The following HHIPL1 variants were observed in gnomAD, a reference collection of about 807,000 sequenced individuals.
HHIPL1 encodes the protein HHIP-like protein 1.
Under a neutral mutation model 61.8 loss-of-function variants are expected in HHIPL1, and 43 were observed. The observed-to-expected ratio is 0.70, with a 90% CI of 0.55 to 0.90. The LOEUF is 0.90. Ranked by LOEUF, HHIPL1 falls within the 40% of genes least tolerant of loss-of-function variation. HHIPL1 has a pLI of 0.00. For missense variants in HHIPL1, 1,056 were observed against 1,157.7 expected (o/e 0.91, Z 1.28); for synonymous variants, 482 against 515.8 (o/e 0.93, Z 0.89).
In HHIPL1 at chr14:99,679,157, G is replaced by C. The variant is rs2056417157; in HGVS notation, c.*3531G>C. 6.6e-6 allele frequency: 1 copy of C among 152,220 alleles called. No individual in the cohort carries two copies. Among genetic ancestry groups the C allele is most frequent in the Non-Finnish European group, 1.5e-5 (1 of 68,038 alleles). 9.4% of individuals were successfully genotyped at this position (152,220 alleles called of 1,614,324 possible). On this transcript the variant is annotated 3_prime_UTR_variant, in exon 9 of 9. Coordinates refer to ENST00000330710, the MANE Select transcript of HHIPL1 (RefSeq NM_001127258.3). ...ACCCTGCTGTGGGCCTTCCTGCTGG[G>C]CCACCTCAAGGGCATTGAAAGCCAG...
upstream of HHIPL1, among the ~76,000 whole-genome samples, chr14:99,643,063 C>G (rs113531979): frequency 7.8e-3 from 1,180 of 151,834 alleles, 18 homozygotes; most frequent in African/African-American, 0.027. Flanking sequence ...TTTTTTGAGA[C>G]AGAGTCTCGC....
Position 99,675,526 on chromosome 14 carries a change from G to T in HHIPL1, c.2249G>T (p.Arg750Leu). 6.5e-7 allele frequency: 1 copy of T among 1,541,646 alleles called. No homozygotes were observed. The highest frequency in any genetic ancestry group is 8.7e-7 in the Non-Finnish European group (1 of 1,146,414). The change falls in exon 9 of 9, where the codon CGG (arginine) becomes CTG (leucine). Residue 750 changes from arginine to leucine, a missense_variant. Physicochemically the swap from Arg to Leu is moderately radical, Grantham distance 102 (BLOSUM62 -2). Coordinates refer to ENST00000330710, the MANE Select transcript of HHIPL1 (RefSeq NM_001127258.3). This position sits in a 1 kb window ranked among gnomAD's most constrained non-coding sequence, Gnocchi z 5.4. Reference protein sequence around the residue: ...LDDVRCAGWERNLLECQHNGV... With the variant: ...LDDVRCAGWELNLLECQHNGV... ...GATGTGCGCTGCGCGGGCTGGGAGC[G>T]GAACCTGCTGGAGTGCCAGCACAAC... is the stretch of plus-strand genomic sequence containing the variant.
rs1444606991 is a variant in HHIPL1, at chr14:99,659,857, C to A, written c.1375+101C>A. The A allele has an allele frequency of 3.1e-5, 19 of 620,884 alleles. 3 individuals are homozygous for A. The highest frequency in any genetic ancestry group is 3.8e-5 in the East Asian group (1 of 26,502). 38.5% of individuals were successfully genotyped at this position (620,884 alleles called of 1,614,324 possible). A position where few individuals can be genotyped will look rare whatever the true frequency, so the allele number is the denominator to read the frequency against. ...CCCTCGGAGACCGCACCCCCCCCCC[C>A]CCGGAGATCCCTGACCCTGAGTCTG... On this transcript the variant is annotated intron_variant, in intron 4 of 8. Transcript: ENST00000330710.
rs201525128 is a variant in HHIPL1, at chr14:99,657,746, CACAA to C, written c.1046+607_1046+610del. ...ACACACATATATACACACATACACA[CACAA>C]ACACACATACACACATGCATATGCT... On this transcript the variant is annotated intron_variant, in intron 3 of 8. Transcript: ENST00000330710. 6.6e-3 allele frequency among the ~76,000 whole-genome samples: 998 copies of C among 151,176 alleles called. 8 individuals are homozygous for C. Among genetic ancestry groups the C allele is most frequent in the African/African-American group, 0.023 (934 of 40,550 alleles).
chr14:99,651,122 G>A (rs11627153), intron 1 of HHIPL1, among the ~76,000 whole-genome samples: 28,111 of 152,046 alleles, frequency 0.18, 3,051 homozygotes, highest in East Asian at 0.27. Context: ...GGTGGCTCTC[G>A]CCTGTAGTCC....
intron 1 of HHIPL1, among the ~76,000 whole-genome samples, chr14:99,650,143 A>T (rs972276076): frequency 6.6e-6 from 1 of 152,224 alleles, no homozygotes; most frequent in East Asian, 1.9e-4. Flanking sequence ...GGTATGACCA[A>T]AAGCCACAAT....
chr14:99,658,491 G>A (rs764839283), intron 3 of HHIPL1, among the ~76,000 whole-genome samples: 1 of 152,162 alleles, frequency 6.6e-6, no homozygotes, highest in Non-Finnish European at 1.5e-5. Flanking sequence ...TAAGGGAAAG[G>A]TGTGGGTGCT....
intron 7 of HHIPL1, chr14:99,669,192 T>C: frequency 1.6e-6 from 2 of 1,257,844 alleles, no homozygotes; most frequent in Admixed American, 3.4e-5. Flanking sequence ...ATCTCTTCAC[T>C]CTGCAGAGGC....
At chr14:99,629,878 C>T in the HHIPL1 span, among the ~76,000 whole-genome samples, 2 of 152,340 alleles carry the variant, frequency 1.3e-5, no homozygotes, top group African/African-American at 2.4e-5. Context: ...GTCATAGACT[C>T]ATAGGCTCAG....
chr14:99,645,468 C>A lies in HHIPL1; in HGVS notation c.255+6C>A. ...CGAGGGACCTGCTGTGCCAGGTGAG[C>A]GGGCGCGCGGCCACCGGGCGGGGCG... On this transcript the variant is annotated splice_donor_region_variant and intron_variant, in intron 1 of 8. Transcript: ENST00000330710. 7.8e-7 allele frequency: 1 copy of A among 1,278,166 alleles called. No homozygotes were observed. Among genetic ancestry groups the A allele is most frequent in the South Asian group, 2.7e-5 (1 of 36,710 alleles). The allele number at this position is 1,278,166 out of a possible 1,614,324, so 79.2% of individuals were successfully genotyped here.
the HHIPL1 span, among the ~76,000 whole-genome samples, chr14:99,605,579 G>T: frequency 6.6e-6 from 1 of 152,234 alleles, no homozygotes; most frequent in Admixed American, 6.5e-5. Flanking sequence ...GATTCTGCAG[G>T]GCACCGAACT....
chr14:99,639,848 G>T, the HHIPL1 span, among the ~76,000 whole-genome samples: 40,617 of 151,782 alleles, frequency 0.27, 5,635 homozygotes, highest in Middle Eastern at 0.36. Context: ...TTTTAGTACA[G>T]ACTGGATTTC....
chr14:99,624,507 G>C, the HHIPL1 span, among the ~76,000 whole-genome samples: 1 of 152,286 alleles, frequency 6.6e-6, no homozygotes, highest in South Asian at 2.1e-4. Context: ...TACAGCCCCA[G>C]CTCCCAACCT....
At chr14:99,672,166 G>A in intron 7 of HHIPL1, 151 bp from the exon 8 acceptor site, 1 of 634,188 alleles carries the variant, frequency 1.6e-6, no homozygotes, top group East Asian at 2.8e-5. Flanking sequence ...GCATGGAGTG[G>A]GCAGGGAAGC....
upstream of HHIPL1, among the ~76,000 whole-genome samples, chr14:99,641,806 T>C (rs987586351): frequency 1.3e-5 from 2 of 152,234 alleles, no homozygotes; most frequent in Admixed American, 6.5e-5. Context: ...TCAAGGTTTT[T>C]CTTCATCTTT....
rs568151150 is a variant in HHIPL1 at position 99,676,070 on chromosome 14, C to T, written c.*444C>T. 7.2e-5 allele frequency: 12 copies of T among 165,856 alleles called. No homozygotes were observed. In the East Asian group the frequency reaches 8.7e-4, roughly 12 times the overall value. The allele number at this position is 165,856 out of a possible 1,614,324, so 10.3% of individuals were successfully genotyped here. On this transcript the variant is annotated 3_prime_UTR_variant, in exon 9 of 9. Transcript: ENST00000330710. Reference sequence around the variant, plus strand: ...CTGGAATGGAAGGTGCAAGAACAGCCGGAGGGTGGCCTGAGGAATGTGGCC... The same window carrying T: ...CTGGAATGGAAGGTGCAAGAACAGCTGGAGGGTGGCCTGAGGAATGTGGCC...
chr14:99,608,692 T>C, the HHIPL1 span, among the ~76,000 whole-genome samples: 2 of 152,218 alleles, frequency 1.3e-5, no homozygotes, highest in Non-Finnish European at 2.9e-5. Context: ...GTTACTAATA[T>C]GGACAATGTT....
the HHIPL1 span, among the ~76,000 whole-genome samples, chr14:99,616,486 CTCCTCATCCGT>C: frequency 6.6e-6 from 1 of 152,142 alleles, no homozygotes; most frequent in Non-Finnish European, 1.5e-5. Context: ...GGCCCGAAGC[CTCCTCATCCGT>C]AAGAGAAAGG....
chr14:99,675,514 C>T lies in HHIPL1; in HGVS notation c.2237C>T (p.Ala746Val), dbSNP rs1024805181. ...ATTCTGCTGGACGATGTGCGCTGCGCGGGCTGGGAGCGGAACCTGCTGGAG... is the reference window on the plus strand; with the variant it reads ...ATTCTGCTGGACGATGTGCGCTGCGTGGGCTGGGAGCGGAACCTGCTGGAG... ...LPILLDDVRC[A>V]GWERNLLECQ... The change falls in exon 9 of 9, where the codon GCG becomes GTG. Residue 746 changes from alanine to valine, a missense_variant. Transcript: ENST00000330710. This position sits in a 1 kb window ranked among gnomAD's most constrained non-coding sequence, Gnocchi z 5.4. The T allele has an allele frequency of 3.2e-6, 5 of 1,542,586 alleles. No individual in the cohort carries two copies. In the South Asian group the frequency reaches 3.6e-5, roughly 11 times the overall value.
Sources: gnomAD v4.1 joint callset for allele counts (sites outside exome capture counted in the v4.1 genomes callset) on GRCh38, gnomAD v4.1.1 for gene constraint, Gnocchi (gnomAD v3.1) non-coding constraint, MANE v1.5 for transcripts, NCBI Gene and HGNC (gene_info 2026-07-23, HGNC 2026-07-21) for gene names.